GABRA3: variants seen among roughly 807,000 people sequenced by gnomAD.
GABRA3 encodes gamma-aminobutyric acid type A receptor subunit alpha3, also known as gamma-aminobutyric acid receptor subunit alpha-3.
GABRA3 carries 10 observed loss-of-function variants against 30.1 expected under a neutral mutation model. The observed-to-expected ratio is 0.33, with a 90% confidence interval of 0.20 to 0.56. The LOEUF is 0.56. Among genes scored for constraint, GABRA3 ranks in the 20% least tolerant of loss-of-function variants. GABRA3 has a pLI of 0.89. For missense variants in GABRA3, 233 were observed against 392.0 expected, an observed-to-expected ratio of 0.59 and a Z score of 3.42; for synonymous variants, 151 against 146.8, an observed-to-expected ratio of 1.03 and a Z score of -0.21.
intron 8 of GABRA3, among the ~76,000 whole-genome samples, chrX:152,193,059 A>T (rs778539544): frequency 1.8e-5 from 2 of 111,688 alleles, no homozygotes; most frequent in Non-Finnish European, 3.8e-5. Flanking sequence ...TTCTTAGACC[A>T]TTACCGGATC....
chrX:152,186,301 C>T (rs897470296), intron 9 of GABRA3, among the ~76,000 whole-genome samples: 2 of 108,189 alleles, frequency 1.8e-5, no homozygotes, highest in Non-Finnish European at 3.8e-5. Flanking sequence ...ACTGCAACCT[C>T]CACCTCCCAG....
chrX:152,170,914 G>A (rs1252912807), intron 9 of GABRA3, among the ~76,000 whole-genome samples: 1 of 111,698 alleles, frequency 9.0e-6, no homozygotes, highest in African/African-American at 3.3e-5. Flanking sequence ...GTTACAAGTG[G>A]AAGGGGGACA....
chrX:152,363,280 G>C (rs139067719), intron 2 of GABRA3, among the ~76,000 whole-genome samples: 179 of 111,994 alleles, frequency 1.6e-3, no homozygotes, highest in African/African-American at 5.1e-3. Flanking sequence ...AGAAAGCATA[G>C]TCATAAAAGT....
intron 1 of GABRA3, among the ~76,000 whole-genome samples, chrX:152,420,429 GATTAT>G (rs773625620): frequency 9.0e-6 from 1 of 111,137 alleles, no homozygotes; most frequent in East Asian, 2.8e-4. Flanking sequence ...TTCTAAAATT[GATTAT>G]ATTTTAAATA....
intron 1 of GABRA3, among the ~76,000 whole-genome samples, chrX:152,418,511 A>T (rs1246962149): frequency 1.8e-5 from 2 of 112,012 alleles, no homozygotes; most frequent in Non-Finnish European, 3.8e-5. Context: ...AATTTCTGGG[A>T]TACAACAGAG....
intron 4 of GABRA3, among the ~76,000 whole-genome samples, chrX:152,270,395 A>G (rs911201329): frequency 1.8e-5 from 2 of 111,930 alleles, no homozygotes; most frequent in Non-Finnish European, 3.8e-5. Context: ...TCTTTCCTTT[A>G]TAAATTACAG....
At chrX:152,282,212 T>C (rs1939211215) in intron 4 of GABRA3, among the ~76,000 whole-genome samples, 2 of 111,652 alleles carry the variant, frequency 1.8e-5, no homozygotes, top group South Asian at 3.7e-4. Context: ...TAGGAAAGTA[T>C]TTTGGACCCA....
chrX:152,167,583 C>T lies in GABRA3; in HGVS notation c.*645G>A, dbSNP rs1936952296. The T allele has an allele frequency of 8.9e-6, 1 of 111,754 alleles. No individual in the cohort carries two copies. The highest frequency in any genetic ancestry group is 1.9e-5 in the Non-Finnish European group (1 of 53,283). The allele number at this position is 111,754 out of a possible 1,213,427, so 9.2% of individuals were successfully genotyped here. Reference sequence around the variant, plus strand: ...CCGAGGGGCTGGACATGGCAGGGCACCAGCCATCTTGGTGCCAGGCTGGCA... The same window carrying T: ...CCGAGGGGCTGGACATGGCAGGGCATCAGCCATCTTGGTGCCAGGCTGGCA... On this transcript the variant is annotated 3_prime_UTR_variant, in exon 10 of 10. Coordinates refer to ENST00000370314, the MANE Select transcript of GABRA3 (RefSeq NM_000808.4).
At chrX:152,349,694 C>G (rs1353750925) in intron 2 of GABRA3, among the ~76,000 whole-genome samples, 2 of 95,293 alleles carry the variant, frequency 2.1e-5, no homozygotes, top group Non-Finnish European at 4.2e-5. Context: ...CAACAAAGAT[C>G]AAAAGAGACA....
chrX:152,314,976 GA>G (rs901370429), intron 3 of GABRA3, among the ~76,000 whole-genome samples: 6 of 110,221 alleles, frequency 5.4e-5, no homozygotes, highest in East Asian at 2.9e-4. Flanking sequence ...TTTTTTCTAG[GA>G]AAAAAAATGG....
At chrX:152,362,373 A>G (rs747684180) in intron 2 of GABRA3, among the ~76,000 whole-genome samples, 10 of 111,440 alleles carry the variant, frequency 9.0e-5, no homozygotes, top group African/African-American at 3.3e-4. Flanking sequence ...AGGGATTTTA[A>G]AGTCTAAAAG....
intron 1 of GABRA3, among the ~76,000 whole-genome samples, chrX:152,368,576 T>C (rs772299195): frequency 9.0e-6 from 1 of 111,549 alleles, no homozygotes; most frequent in South Asian, 3.8e-4. Context: ...ATCTTGGTTA[T>C]TGTGAATAAC....
In GABRA3 at chrX:152,394,229, T is replaced by A. The variant is rs941541533; in HGVS notation, c.-26-29633A>T. Among the ~76,000 whole-genome samples the A allele has an allele frequency of 2.7e-5, 3 of 112,264 alleles. No homozygotes were observed. The Admixed American group carries it at 2.8e-4, about 11-fold the overall frequency. ...ATGAACTGATGTGTCCAAGATCTCA[T>A]AGCTAGTAAGTGGATAATCCAGGAT... On this transcript the variant is annotated intron_variant, in intron 1 of 9. Transcript: ENST00000370314.
intron 2 of GABRA3, among the ~76,000 whole-genome samples, chrX:152,360,751 T>TTAAAAAAAA (rs1928473785): frequency 2.5e-5 from 1 of 39,375 alleles, no homozygotes. Flanking sequence ...AAAAAAAAAA[T>TTAAAAAAAA]AAATTAAAAA....
At chrX:152,288,310 T>A (rs1191541995) in intron 3 of GABRA3, among the ~76,000 whole-genome samples, 4 of 112,029 alleles carry the variant, frequency 3.6e-5, no homozygotes, top group African/African-American at 1.3e-4. Context: ...AGAACCCTGA[T>A]GAATATGATA....
At chrX:152,289,562 A>C (rs1939361934) in intron 3 of GABRA3, among the ~76,000 whole-genome samples, 1 of 109,723 alleles carries the variant, frequency 9.1e-6, no homozygotes, top group Non-Finnish European at 1.9e-5. Context: ...ACATATGCAC[A>C]ACGTGCAGGT....
In GABRA3 at chrX:152,278,827, T is replaced by C. The variant is rs187268856; in HGVS notation, c.330+5841A>G. ...CTAACTGGTGTGAGATGGTATCTCA[T>C]TGTGGTTTTGATTTCCATTTCTCTG... On this transcript the variant is annotated intron_variant, in intron 4 of 9. Transcript: ENST00000370314. 4.7e-3 allele frequency among the ~76,000 whole-genome samples: 524 copies of C among 112,364 alleles called. 1 individual carries two copies. Among genetic ancestry groups the C allele is most frequent in the Middle Eastern group, 9.2e-3 (2 of 218 alleles).
intron 4 of GABRA3, among the ~76,000 whole-genome samples, chrX:152,266,128 A>C (rs1938819584): frequency 9.0e-6 from 1 of 111,552 alleles, no homozygotes; most frequent in Non-Finnish European, 1.9e-5. Flanking sequence ...CTATATCAAG[A>C]GCATTCTACA....
chrX:152,220,095 T>C (rs1937803597), intron 6 of GABRA3, among the ~76,000 whole-genome samples: 1 of 111,739 alleles, frequency 8.9e-6, no homozygotes, highest in Admixed American at 9.5e-5. Context: ...AAGTTAGATA[T>C]CCATGATTAT....
Sources: gnomAD v4.1 joint callset for allele counts (sites outside exome capture counted in the v4.1 genomes callset) on GRCh38, gnomAD v4.1.1 for gene constraint, MANE v1.5 for transcripts, NCBI Gene and HGNC (gene_info 2026-07-23, HGNC 2026-07-21) for gene names.